PCDH7: variants seen among roughly 807,000 people sequenced by gnomAD.
PCDH7 encodes protocadherin 7, also known as protocadherin-7.
PCDH7 carries 17 observed loss-of-function variants against 58.9 expected under a neutral mutation model. The ratio of observed to expected loss-of-function variants is 0.29; its 90% confidence interval spans 0.20 to 0.43. The LOEUF is 0.43. PCDH7 is among the 20% of genes least tolerant of loss of function. The pLI, the probability that PCDH7 is intolerant of heterozygous loss-of-function variation, is 1.00. For missense variants in PCDH7, 1,274 were observed against 1,441.0 expected (o/e 0.88, Z 1.88); for synonymous variants, 664 against 616.4 (o/e 1.08, Z -1.14).
chr4:30,814,475 A>G (rs538570107), intron 1 of PCDH7, among the ~76,000 whole-genome samples: 8 of 152,060 alleles, frequency 5.3e-5, no homozygotes, highest in African/African-American at 1.9e-4. Flanking sequence ...TAAATGCAGT[A>G]TTGCCTCTTT....
At chr4:31,093,573 G>T (rs1359033549) in intron 3 of PCDH7, among the ~76,000 whole-genome samples, 1 of 144,186 alleles carries the variant, frequency 6.9e-6, no homozygotes, top group East Asian at 2.1e-4. Context: ...GAAATAAAGT[G>T]CAAGGTGCAG....
chr4:31,091,357 T>C (rs1713224614), intron 3 of PCDH7, among the ~76,000 whole-genome samples: 1 of 151,982 alleles, frequency 6.6e-6, no homozygotes, highest in Admixed American at 6.6e-5. Flanking sequence ...TATGTATATA[T>C]GCTTATTGAT....
At chr4:31,075,749 C>A (rs1029425781) in intron 3 of PCDH7, among the ~76,000 whole-genome samples, 8 of 152,158 alleles carry the variant, frequency 5.3e-5, no homozygotes, top group Non-Finnish European at 1.0e-4. Context: ...ACCTTAAATT[C>A]AACTAGGAAT....
chr4:30,947,892 G>A (rs1746900873), intron 2 of PCDH7, among the ~76,000 whole-genome samples: 1 of 151,890 alleles, frequency 6.6e-6, no homozygotes, highest in Non-Finnish European at 1.5e-5. Context: ...AGTATCCTCT[G>A]TTCTACTTTT....
intron 1 of PCDH7, among the ~76,000 whole-genome samples, chr4:30,834,616 T>C (rs2109333270): frequency 6.6e-6 from 1 of 152,034 alleles, no homozygotes; most frequent in East Asian, 1.9e-4. Context: ...TGTTTGATGG[T>C]CTTTGGTAAA....
chr4:31,086,558 T>C (rs1437990395), intron 3 of PCDH7, among the ~76,000 whole-genome samples: 1 of 152,186 alleles, frequency 6.6e-6, no homozygotes, highest in Non-Finnish European at 1.5e-5. Flanking sequence ...GACAGAGGTA[T>C]ATTATATGGT....
At chr4:30,991,253 C>T (rs1751440294) in intron 3 of PCDH7, among the ~76,000 whole-genome samples, 1 of 152,136 alleles carries the variant, frequency 6.6e-6, no homozygotes, top group African/African-American at 2.4e-5. Context: ...ACTCCTCCCC[C>T]AAGTCAGAAG....
chr4:30,845,927 A>G (rs1262053781), intron 1 of PCDH7, among the ~76,000 whole-genome samples: 3 of 152,130 alleles, frequency 2.0e-5, no homozygotes, highest in Admixed American at 2.0e-4. Flanking sequence ...GAAACTAGAA[A>G]TTGATTAACT....
intron 3 of PCDH7, among the ~76,000 whole-genome samples, chr4:31,036,658 G>A (rs1220771032): frequency 2.0e-5 from 3 of 152,086 alleles, no homozygotes; most frequent in Non-Finnish European, 4.4e-5. Context: ...ATTATTTATT[G>A]TGTGCAAAAC....
At chr4:30,929,595 TAAATA>T (rs1744308303) in intron 2 of PCDH7, among the ~76,000 whole-genome samples, 1 of 152,202 alleles carries the variant, frequency 6.6e-6, no homozygotes, top group Admixed American at 6.5e-5. Context: ...ACTATATGTA[TAAATA>T]AAATCTGTGA....
chr4:31,085,543 C>T (rs537353899), intron 3 of PCDH7, among the ~76,000 whole-genome samples: 8 of 151,756 alleles, frequency 5.3e-5, no homozygotes, highest in African/African-American at 1.7e-4. Flanking sequence ...CAGGAATGAA[C>T]GAGGACAGCT....
chr4:31,015,851 A>G (rs1753566245), intron 3 of PCDH7, among the ~76,000 whole-genome samples: 1 of 152,184 alleles, frequency 6.6e-6, no homozygotes, highest in African/African-American at 2.4e-5. Flanking sequence ...TTTTGTAAGT[A>G]CAGACTTTAT....
intron 2 of PCDH7, among the ~76,000 whole-genome samples, chr4:30,946,481 T>TC (rs1356010853): frequency 1.3e-5 from 2 of 151,884 alleles, no homozygotes; most frequent in Admixed American, 6.6e-5. Flanking sequence ...CCCACCTCCC[T>TC]CCCACCACAC....
intron 1 of PCDH7, among the ~76,000 whole-genome samples, chr4:30,894,481 AAAAAAAAAAATAT>A (rs1318714418): frequency 7.0e-5 from 4 of 57,024 alleles, no homozygotes; most frequent in African/African-American, 2.7e-4. Context: ...AAAAAAAAAA[AAAAAAAAAAATAT>A]ATATATATAT....
chr4:30,894,680 C>T (rs1267580941), intron 1 of PCDH7, among the ~76,000 whole-genome samples: 1 of 148,026 alleles, frequency 6.8e-6, no homozygotes, highest in African/African-American at 2.5e-5. Flanking sequence ...AAGCATTGGT[C>T]ATGAGTAATA....
exon 1 of PCDH7, chr4:30,724,249 T>G: frequency 6.2e-7 from 1 of 1,613,348 alleles, no homozygotes; most frequent in Non-Finnish European, 8.5e-7. Context: ...AAACAAAAAA[T>G]CTAAGCAGCC....
intron 3 of PCDH7, among the ~76,000 whole-genome samples, chr4:31,107,352 A>G (rs1715706278): frequency 6.6e-6 from 1 of 152,200 alleles, no homozygotes; most frequent in Non-Finnish European, 1.5e-5. Context: ...TATATGTGCT[A>G]GAAGGCCCAT....
At chr4:31,140,100 A>C (rs1055271697) in intron 3 of PCDH7, among the ~76,000 whole-genome samples, 1 of 152,214 alleles carries the variant, frequency 6.6e-6, no homozygotes, top group Non-Finnish European at 1.5e-5. Flanking sequence ...AGATTCAGTC[A>C]ATCTATTTAA....
chr4:31,124,084 G>T (rs1025630379), intron 3 of PCDH7, among the ~76,000 whole-genome samples: 1 of 152,088 alleles, frequency 6.6e-6, no homozygotes, highest in Admixed American at 6.6e-5. Flanking sequence ...GGGTGGTTTT[G>T]GAAAAGGCAA....
Sources: allele counts gnomAD v4.1 joint callset (sites outside exome capture counted in the v4.1 genomes callset), GRCh38; gene constraint gnomAD v4.1.1; transcripts MANE v1.5; gene names NCBI Gene and HGNC (gene_info 2026-07-23, HGNC 2026-07-21).